The following IGSF21 variants were observed in gnomAD, a reference collection of about 807,000 sequenced individuals.
The protein encoded by IGSF21 is immunoglobulin superfamily member 21.
Under a neutral mutation model 46.8 loss-of-function variants are expected in IGSF21, and 28 were observed. The ratio of observed to expected loss-of-function variants is 0.60; its 90% CI spans 0.44 to 0.82. The LOEUF (loss-of-function observed/expected upper bound fraction) is 0.82, where lower values mean the gene tolerates loss of function less well. Ranked by LOEUF, IGSF21 falls within the 40% of genes least tolerant of loss-of-function variation. The pLI, the probability that IGSF21 is intolerant of heterozygous loss-of-function variation, is 0.00. For synonymous variants in IGSF21, 284 were observed against 273.6 expected, an observed-to-expected ratio of 1.04 and a Z score of -0.38; for missense variants, 624 against 665.5, an observed-to-expected ratio of 0.94 and a Z score of 0.69.
At chr1:18,189,562 G>A (rs919750591) in intron 1 of IGSF21, among the ~76,000 whole-genome samples, 6 of 151,852 alleles carry the variant, frequency 4.0e-5, no homozygotes, top group African/African-American at 1.5e-4. Context: ...TGGGAGCCCT[G>A]AGCTTGATTT....
At chr1:18,282,326 C>T (rs1278682156) in intron 2 of IGSF21, among the ~76,000 whole-genome samples, 1 of 152,112 alleles carries the variant, frequency 6.6e-6, no homozygotes, top group African/African-American at 2.4e-5. Flanking sequence ...TCAAACCCCA[C>T]CCCCACTCTG....
chr1:18,270,243 A>C (rs2085029807), intron 2 of IGSF21, among the ~76,000 whole-genome samples: 1 of 152,180 alleles, frequency 6.6e-6, no homozygotes, highest in Non-Finnish European at 1.5e-5. Context: ...GCAGGGAAAC[A>C]GCTCCTTTGA....
rs1354367510 is a variant in IGSF21 at position 18,337,947 on chromosome 1, G to C, written c.424+2937G>C. ...TCTGTGCCAGAGGAGCGTGGCTTCT[G>C]TAGCTCACCAAGGTCCTGAATGGTG... On this transcript the variant is annotated intron_variant, in intron 4 of 9. Coordinates refer to ENST00000251296, the MANE Select transcript of IGSF21 (RefSeq NM_032880.5). The surrounding 1 kb of genome is among the most constrained non-coding windows in gnomAD (Gnocchi z 5.7). 1.3e-5 allele frequency among the ~76,000 whole-genome samples: 2 copies of C among 152,164 alleles called. No homozygotes were observed. The highest frequency in any genetic ancestry group is 4.8e-5 in the African/African-American group (2 of 41,444).
intron 2 of IGSF21, among the ~76,000 whole-genome samples, chr1:18,286,753 C>T (rs114146941): frequency 6.5e-4 from 99 of 152,318 alleles, no homozygotes; most frequent in Non-Finnish European, 1.3e-3. Context: ...CCCTTTTCTT[C>T]ATGGTATTCC....
intron 3 of IGSF21, among the ~76,000 whole-genome samples, chr1:18,318,363 T>G (rs573144691): frequency 6.6e-6 from 1 of 152,294 alleles, no homozygotes; most frequent in African/African-American, 2.4e-5. Flanking sequence ...GGGCTTTGGT[T>G]GATTGTGATG....
chr1:18,376,510 CCAG>C, intron 7 of IGSF21, 115 bp downstream of exon 7: 2 of 840,480 alleles, frequency 2.4e-6, no homozygotes, highest in South Asian at 2.8e-5. Flanking sequence ...CCAGCCACAT[CCAG>C]TGGGTTTCAG....
intron 2 of IGSF21, among the ~76,000 whole-genome samples, chr1:18,266,802 C>T (rs568770633): frequency 7.9e-5 from 12 of 152,342 alleles, no homozygotes; most frequent in African/African-American, 2.4e-4. Flanking sequence ...CAATTCACTA[C>T]GTGACACAGG....
At chr1:18,265,944 G>A (rs1363414776) in intron 2 of IGSF21, among the ~76,000 whole-genome samples, 1 of 152,182 alleles carries the variant, frequency 6.6e-6, no homozygotes, top group Non-Finnish European at 1.5e-5. Flanking sequence ...TTAAGAGCTT[G>A]GAGGTGCCCA....
chr1:18,374,455 AG>A (rs1557667037), intron 6 of IGSF21, among the ~76,000 whole-genome samples: 1 of 152,080 alleles, frequency 6.6e-6, no homozygotes, highest in Non-Finnish European at 1.5e-5. Flanking sequence ...GGGAATGCGA[AG>A]GGGAGCCACT....
At chr1:18,140,848 C>T (rs1041953277) in intron 1 of IGSF21, among the ~76,000 whole-genome samples, 2 of 152,226 alleles carry the variant, frequency 1.3e-5, no homozygotes, top group African/African-American at 4.8e-5. Context: ...CTTCTCCCCA[C>T]TTATTCTTTG....
chr1:18,233,309 T>A (rs1404130603), intron 2 of IGSF21, among the ~76,000 whole-genome samples: 1 of 152,146 alleles, frequency 6.6e-6, no homozygotes, highest in Non-Finnish European at 1.5e-5. Flanking sequence ...GTGCAGATGA[T>A]GCGACCTCGC....
chr1:18,313,080 C>T (rs968358654), intron 3 of IGSF21, among the ~76,000 whole-genome samples: 9 of 152,202 alleles, frequency 5.9e-5, no homozygotes, highest in African/African-American at 2.2e-4. Context: ...CTGATCCTGG[C>T]CCTGAACATT....
intron 1 of IGSF21, among the ~76,000 whole-genome samples, chr1:18,120,753 G>C (rs1478125218): frequency 6.6e-6 from 1 of 152,160 alleles, no homozygotes; most frequent in Non-Finnish European, 1.5e-5. Flanking sequence ...GGTGGAACTG[G>C]CTTTTCGGCA....
chr1:18,170,631 A>G (rs952021151), intron 1 of IGSF21, among the ~76,000 whole-genome samples: 11 of 152,030 alleles, frequency 7.2e-5, no homozygotes, highest in Non-Finnish European at 1.6e-4. Context: ...AGTAAAGCAC[A>G]GAGAGGTTAA....
intron 2 of IGSF21, among the ~76,000 whole-genome samples, chr1:18,239,349 T>C (rs2084703341): frequency 6.6e-6 from 1 of 152,116 alleles, no homozygotes; most frequent in Non-Finnish European, 1.5e-5. Context: ...ATTTTCCTTG[T>C]TGGGTGTGAG....
intron 3 of IGSF21, among the ~76,000 whole-genome samples, chr1:18,292,222 G>T: frequency 6.6e-6 from 1 of 152,234 alleles, no homozygotes; most frequent in Non-Finnish European, 1.5e-5. Context: ...TCCTCTGCCA[G>T]CTCCTCCAAC....
chr1:18,211,402 T>C (rs2084390027), intron 1 of IGSF21, among the ~76,000 whole-genome samples: 1 of 152,238 alleles, frequency 6.6e-6, no homozygotes, highest in Non-Finnish European at 1.5e-5. Flanking sequence ...ATTCAGAACA[T>C]GTCTTAAGAC....
Position 18,119,930 on chromosome 1 carries a change from T to C in IGSF21, c.70+11732T>C, listed in dbSNP as rs1016644006. On this transcript the variant is annotated intron_variant, in intron 1 of 9. Transcript: ENST00000251296. ...AATGTTAAGTACATAGTGGAGCAGGTGGCATGCAGATATGGCCAATCTGTG... is the reference window on the plus strand; with the variant it reads ...AATGTTAAGTACATAGTGGAGCAGGCGGCATGCAGATATGGCCAATCTGTG... 2.6e-5 allele frequency among the ~76,000 whole-genome samples: 4 copies of C among 152,310 alleles called. No individual in the cohort carries two copies. In the South Asian group the frequency reaches 8.3e-4, roughly 32 times the overall value.
rs1201885983 is a variant in IGSF21 at position 18,322,139 on chromosome 1, C to A, written c.306-12753C>A. Reference sequence around the variant, plus strand: ...CTGAGAATTGAATGAGATCAGTTTTCAGTGCCTCGCACAGGGTCTCGCACA... The same window carrying A: ...CTGAGAATTGAATGAGATCAGTTTTAAGTGCCTCGCACAGGGTCTCGCACA... On this transcript the variant is annotated intron_variant, in intron 3 of 9. Transcript: ENST00000251296. The surrounding 1 kb of genome is among the most constrained non-coding windows in gnomAD (Gnocchi z 4.3). Among the ~76,000 whole-genome samples, 2 of 152,202 alleles carry A rather than the reference C, an allele frequency of 1.3e-5. No individual in the cohort carries two copies. The highest frequency in any genetic ancestry group is 2.9e-5 in the Non-Finnish European group (2 of 68,040).
Sources: allele counts gnomAD v4.1 joint callset (sites outside exome capture counted in the v4.1 genomes callset), GRCh38; gene constraint gnomAD v4.1.1; non-coding constraint Gnocchi (gnomAD v3.1); transcripts MANE v1.5; gene names NCBI Gene and HGNC (gene_info 2026-07-23, HGNC 2026-07-21).